DGKB: variants seen among roughly 807,000 people sequenced by gnomAD.
The protein encoded by DGKB is diacylglycerol kinase beta, also known as 90 kDa diacylglycerol kinase.
DGKB carries 67 observed loss-of-function variants against 114.3 expected under a neutral mutation model. The ratio of observed to expected loss-of-function variants is 0.59; its 90% CI spans 0.48 to 0.72. The LOEUF is 0.72. DGKB is among the 30% of genes least tolerant of loss of function. The pLI, the probability that DGKB is intolerant of heterozygous loss-of-function variation, is 0.00. For synonymous variants in DGKB, 398 were observed against 323.1 expected (o/e 1.23, Z -2.49); for missense variants, 907 against 975.2 (o/e 0.93, Z 0.93).
At chr7:14,967,688 TA>T (rs1027814852) in intron 1 of DGKB, among the ~76,000 whole-genome samples, 1 of 151,072 alleles carries the variant, frequency 6.6e-6, no homozygotes, top group Admixed American at 6.6e-5. Flanking sequence ...CTTTCATAAT[TA>T]AAAACAAAAC....
At chr7:14,761,780 C>T (rs1835731765) in intron 2 of DGKB, among the ~76,000 whole-genome samples, 1 of 152,136 alleles carries the variant, frequency 6.6e-6, no homozygotes, top group Non-Finnish European at 1.5e-5. Flanking sequence ...TTAGTAAATA[C>T]ATGTCTGTAA....
At chr7:14,816,188 G>A (rs1466260210) in intron 2 of DGKB, among the ~76,000 whole-genome samples, 2 of 151,982 alleles carry the variant, frequency 1.3e-5, no homozygotes, top group African/African-American at 4.8e-5. Flanking sequence ...ACAAAAATTA[G>A]CTGGACATAG....
chr7:14,874,992 C>T (rs1053389576), intron 1 of DGKB, among the ~76,000 whole-genome samples: 1 of 151,996 alleles, frequency 6.6e-6, no homozygotes, highest in Non-Finnish European at 1.5e-5. Context: ...TTACATAATT[C>T]CACAAGGGCC....
At chr7:14,486,997 T>C (rs1783914473) in intron 20 of DGKB, among the ~76,000 whole-genome samples, 1 of 152,240 alleles carries the variant, frequency 6.6e-6, no homozygotes, top group Admixed American at 6.5e-5. Flanking sequence ...TTTGTCTTAT[T>C]AAAATTGATA....
At chr7:14,657,094 T>C (rs907880890) in intron 13 of DGKB, among the ~76,000 whole-genome samples, 1 of 151,786 alleles carries the variant, frequency 6.6e-6, no homozygotes, top group Non-Finnish European at 1.5e-5. Flanking sequence ...TTATGCTATG[T>C]CTCTTTAAAA....
chr7:14,256,415 CTTAAAG>C lies in DGKB; in HGVS notation c.2123-78270_2123-78265del, dbSNP rs1007678716. Among the ~76,000 whole-genome samples, 36 of 151,800 alleles carry C rather than the reference CTTAAAG, an allele frequency of 2.4e-4. No individual in the cohort carries two copies. In the South Asian group the frequency reaches 5.2e-3, roughly 22 times the overall value. ...CTTTAAATACCACTTGAAAGCCTCTCTTAAAGTTAATCTACAGTATTTTATTTTTAT... is the reference window on the plus strand; with the variant it reads ...CTTTAAATACCACTTGAAAGCCTCTCTTAATCTACAGTATTTTATTTTTAT... On this transcript the variant is annotated intron_variant, in intron 23 of 25. Coordinates refer to ENST00000402815, the MANE Select transcript of DGKB (RefSeq NM_001350709.2).
intron 2 of DGKB, among the ~76,000 whole-genome samples, chr7:14,835,445 T>C (rs1847017361): frequency 6.6e-6 from 1 of 152,210 alleles, no homozygotes; most frequent in Non-Finnish European, 1.5e-5. Context: ...AACCCAGTTT[T>C]GTCTGACATC....
At chr7:14,452,814 C>A (rs1831723158) in intron 21 of DGKB, among the ~76,000 whole-genome samples, 1 of 152,024 alleles carries the variant, frequency 6.6e-6, no homozygotes. Flanking sequence ...AGTGTACTTA[C>A]ACAAACCTAG....
intron 23 of DGKB, among the ~76,000 whole-genome samples, chr7:14,284,474 C>G (rs1800504406): frequency 1.4e-5 from 2 of 145,452 alleles, no homozygotes; most frequent in South Asian, 4.2e-4. Flanking sequence ...GGATCTAGAA[C>G]TAGAAATACC....
intron 2 of DGKB, among the ~76,000 whole-genome samples, chr7:14,792,644 T>C (rs990658586): frequency 6.6e-6 from 1 of 152,108 alleles, no homozygotes; most frequent in Non-Finnish European, 1.5e-5. Context: ...CAAAAAAATA[T>C]CTGTTGAGCA....
intron 12 of DGKB, 79 bp from the exon 13 acceptor site, chr7:14,673,106 A>T: frequency 1.3e-6 from 1 of 782,042 alleles, no homozygotes; most frequent in Non-Finnish European, 2.2e-6. Context: ...TTCAATCGAG[A>T]TACAGCAAAC....
At chr7:14,268,539 T>C (rs944912342) in intron 23 of DGKB, among the ~76,000 whole-genome samples, 4 of 152,182 alleles carry the variant, frequency 2.6e-5, no homozygotes, top group Admixed American at 6.5e-5. Flanking sequence ...ACATGAGAAA[T>C]TCTTCTTTCA....
intron 21 of DGKB, among the ~76,000 whole-genome samples, chr7:14,382,301 T>G (rs983883757): frequency 9.2e-5 from 14 of 152,184 alleles, no homozygotes; most frequent in East Asian, 3.9e-4. Flanking sequence ...TTTTTTTTTT[T>G]GTCCACCAAA....
At chr7:14,312,986 T>C (rs894421080) in intron 23 of DGKB, among the ~76,000 whole-genome samples, 44 of 152,320 alleles carry the variant, frequency 2.9e-4, no homozygotes, top group African/African-American at 1.0e-3. Context: ...TAATTCATGG[T>C]ATTAAAAATC....
intron 2 of DGKB, among the ~76,000 whole-genome samples, chr7:14,792,555 G>T (rs1029697943): frequency 9.2e-5 from 14 of 151,988 alleles, no homozygotes; most frequent in Admixed American, 9.2e-4. Context: ...TGACAACCCT[G>T]GTTCCCTGAA....
intron 21 of DGKB, among the ~76,000 whole-genome samples, chr7:14,468,356 C>G (rs1780786797): frequency 6.6e-6 from 1 of 152,020 alleles, no homozygotes; most frequent in Non-Finnish European, 1.5e-5. Context: ...GTTGGAGAGG[C>G]TGATGCTAAC....
chr7:14,223,813 C>T (rs920931022), intron 23 of DGKB, among the ~76,000 whole-genome samples: 2 of 151,622 alleles, frequency 1.3e-5, no homozygotes, highest in African/African-American at 4.8e-5. Context: ...CCTTTAAATA[C>T]AGCATCTCAT....
chr7:14,960,364 A>G (rs1786771100), intron 1 of DGKB, among the ~76,000 whole-genome samples: 1 of 152,056 alleles, frequency 6.6e-6, no homozygotes, highest in African/African-American at 2.4e-5. Flanking sequence ...GTTTTCACCT[A>G]AAAAGTTTTT....
At chr7:14,191,614 CA>C (rs1784326761) in intron 23 of DGKB, 3 of 265,142 alleles carry the variant, frequency 1.1e-5, no homozygotes, top group Non-Finnish European at 2.4e-5. Context: ...TTGCTCCAGT[CA>C]ATGTTACAAC....
Sources: allele counts gnomAD v4.1 joint callset (sites outside exome capture counted in the v4.1 genomes callset), GRCh38; gene constraint gnomAD v4.1.1; transcripts MANE v1.5; gene names NCBI Gene and HGNC (gene_info 2026-07-23, HGNC 2026-07-21).